Variants in IMMP2L observed in about 807,000 individuals in gnomAD.
The protein encoded by IMMP2L is mitochondrial inner membrane protease subunit 2.
In IMMP2L, 18 loss-of-function variants were observed where a neutral mutation model predicts 19.3. That is an observed-to-expected ratio of 0.93 (90% CI 0.64 to 1.38). The LOEUF (loss-of-function observed/expected upper bound fraction) is 1.38. Ranked by LOEUF, IMMP2L falls within the 40% of genes most tolerant of loss-of-function variation. The pLI is 0.00. For synonymous variants in IMMP2L, 76 were observed against 73.0 expected (o/e 1.04, Z -0.21); for missense variants, 233 against 218.2 (o/e 1.07, Z -0.43).
intron 2 of IMMP2L, among the ~76,000 whole-genome samples, chr7:111,509,912 T>C (rs1055540766): frequency 6.6e-6 from 1 of 152,178 alleles, no homozygotes; most frequent in South Asian, 2.1e-4. Flanking sequence ...AAATTTCATA[T>C]GCATTTATTC....
chr7:110,822,671 T>C (rs1271297236), intron 5 of IMMP2L, among the ~76,000 whole-genome samples: 2 of 152,116 alleles, frequency 1.3e-5, no homozygotes, highest in African/African-American at 2.4e-5. Flanking sequence ...ACTTTTAATG[T>C]TTTCTCTAAT....
chr7:110,854,950 T>C (rs2131552351), intron 5 of IMMP2L, among the ~76,000 whole-genome samples: 1 of 152,086 alleles, frequency 6.6e-6, no homozygotes. Context: ...TCTAGATCCG[T>C]CTTTCCTTCT....
intron 3 of IMMP2L, among the ~76,000 whole-genome samples, chr7:110,988,378 A>T (rs1388481858): frequency 6.6e-6 from 1 of 152,214 alleles, no homozygotes; most frequent in Non-Finnish European, 1.5e-5. Flanking sequence ...AGGTTCAAGC[A>T]TGGGAAATAT....
chr7:111,422,108 G>A (rs1040884298), intron 3 of IMMP2L, among the ~76,000 whole-genome samples: 4 of 151,792 alleles, frequency 2.6e-5, no homozygotes, highest in Non-Finnish European at 5.9e-5. Flanking sequence ...CCAGTACCAT[G>A]CTGTTTTGGT....
chr7:111,258,702 C>T (rs1206289008), intron 3 of IMMP2L, among the ~76,000 whole-genome samples: 7 of 151,968 alleles, frequency 4.6e-5, no homozygotes, highest in African/African-American at 9.6e-5. Flanking sequence ...GATGGGGTTG[C>T]GCCATGTTGG....
chr7:111,543,559 A>G (rs765646692), intron 1 of IMMP2L, among the ~76,000 whole-genome samples: 1 of 152,164 alleles, frequency 6.6e-6, no homozygotes, highest in African/African-American at 2.4e-5. Flanking sequence ...CTCAGTCAAA[A>G]ATACTTTAAA....
chr7:111,434,798 C>T (rs2131721824), intron 3 of IMMP2L, among the ~76,000 whole-genome samples: 1 of 151,814 alleles, frequency 6.6e-6, no homozygotes, highest in East Asian at 1.9e-4. Flanking sequence ...CGGTGATCCA[C>T]CCGCCTCGGC....
At chr7:111,318,775 T>C (rs1023112876) in intron 3 of IMMP2L, among the ~76,000 whole-genome samples, 3 of 152,124 alleles carry the variant, frequency 2.0e-5, no homozygotes, top group Non-Finnish European at 4.4e-5. Context: ...ATATTTTAGA[T>C]ACTAAATTAG....
chr7:111,038,400 T>C (rs934384849), intron 3 of IMMP2L, among the ~76,000 whole-genome samples: 12 of 152,102 alleles, frequency 7.9e-5, no homozygotes, highest in Non-Finnish European at 1.6e-4. Context: ...TGATTAGTAA[T>C]ACATGAAAGA....
chr7:111,198,885 A>G (rs1809793900), intron 3 of IMMP2L, among the ~76,000 whole-genome samples: 1 of 152,144 alleles, frequency 6.6e-6, no homozygotes, highest in Admixed American at 6.5e-5. Flanking sequence ...ATATTTACCA[A>G]AAACTACCAA....
At chr7:111,492,627 C>T (rs1057048558) in intron 2 of IMMP2L, among the ~76,000 whole-genome samples, 1 of 152,154 alleles carries the variant, frequency 6.6e-6, no homozygotes, top group African/African-American at 2.4e-5. Context: ...ATTTTAACTT[C>T]GTCTTTCCCT....
intron 3 of IMMP2L, among the ~76,000 whole-genome samples, chr7:111,312,584 G>A (rs1823636796): frequency 6.6e-6 from 1 of 152,088 alleles, no homozygotes; most frequent in African/African-American, 2.4e-5. Context: ...TTCTAGTGTA[G>A]TCAAAAACAG....
intron 5 of IMMP2L, among the ~76,000 whole-genome samples, chr7:110,809,486 T>C (rs984704762): frequency 1.3e-5 from 2 of 151,908 alleles, no homozygotes; most frequent in African/African-American, 4.8e-5. Context: ...TTTGGTCAGG[T>C]GCCAATCCAG....
At chr7:111,306,341 G>GT (rs1822865758) in intron 3 of IMMP2L, among the ~76,000 whole-genome samples, 1 of 152,062 alleles carries the variant, frequency 6.6e-6, no homozygotes, top group African/African-American at 2.4e-5. Flanking sequence ...CAATTCAACT[G>GT]TAACAAATGT....
At chr7:110,746,472 T>C (rs952122392) in intron 5 of IMMP2L, among the ~76,000 whole-genome samples, 2 of 152,100 alleles carry the variant, frequency 1.3e-5, no homozygotes, top group Admixed American at 1.3e-4. Context: ...AGCACCACAT[T>C]GTACTTATTC....
chr7:111,281,136 AAGAC>A (rs1334156245), intron 3 of IMMP2L, among the ~76,000 whole-genome samples: 7 of 72,610 alleles, frequency 9.6e-5, no homozygotes, highest in African/African-American at 3.3e-4. Flanking sequence ...GAAAGAGAGA[AAGAC>A]AGAAAGACAG....
At chr7:111,348,958 G>C (rs915510062) in intron 3 of IMMP2L, among the ~76,000 whole-genome samples, 1 of 152,090 alleles carries the variant, frequency 6.6e-6, no homozygotes, top group Non-Finnish European at 1.5e-5. Context: ...ATCCTTTCAA[G>C]TATTTATTTC....
At chr7:111,223,674 T>C (rs1812763500) in intron 3 of IMMP2L, among the ~76,000 whole-genome samples, 1 of 152,092 alleles carries the variant, frequency 6.6e-6, no homozygotes, top group Non-Finnish European at 1.5e-5. Flanking sequence ...ATTCTCTGTA[T>C]TGTTTTGCCT....
chr7:111,311,427 G>C (rs1001537838), intron 3 of IMMP2L, among the ~76,000 whole-genome samples: 1 of 152,078 alleles, frequency 6.6e-6, no homozygotes, highest in Non-Finnish European at 1.5e-5. Flanking sequence ...TCCCCTCCCT[G>C]CCAAGGATTA....
Sources: gnomAD v4.1 joint callset for allele counts (sites outside exome capture counted in the v4.1 genomes callset) on GRCh38, gnomAD v4.1.1 for gene constraint, MANE v1.5 for transcripts, NCBI Gene and HGNC (gene_info 2026-07-23, HGNC 2026-07-21) for gene names.